MSTO1: variants seen among roughly 807,000 people sequenced by gnomAD.
The protein encoded by MSTO1 is protein misato homolog 1.
In MSTO1, 24 loss-of-function variants were observed where a neutral mutation model predicts 55.7. That is an observed-to-expected ratio of 0.43 (90% CI 0.31 to 0.61). The LOEUF is 0.61. MSTO1 is among the 20% of genes least tolerant of loss of function. The pLI, the probability that MSTO1 is intolerant of heterozygous loss-of-function variation, is 0.09. For missense variants in MSTO1, 363 were observed against 625.7 expected, an observed-to-expected ratio of 0.58 and a Z score of 4.48; for synonymous variants, 162 against 252.8, an observed-to-expected ratio of 0.64 and a Z score of 3.41.
chr1:155,578,336 C>CTTTCTTTTTTTTTTTTTTT, the MSTO1 span, among the ~76,000 whole-genome samples: 1 of 44,280 alleles, frequency 2.3e-5, no homozygotes, highest in East Asian at 1.2e-3. Context: ...AACTACCTTT[C>CTTTCTTTTTTTTTTTTTTT]TTTTTTTTTT....
chr1:155,577,234 G>A, the MSTO1 span, among the ~76,000 whole-genome samples: 2 of 150,918 alleles, frequency 1.3e-5, no homozygotes, highest in African/African-American at 2.4e-5. Flanking sequence ...GACTACAGGC[G>A]CCTGCCACCA....
chr1:155,610,143 C>A, upstream of MSTO1: 1 of 1,061,050 alleles, frequency 9.4e-7, no homozygotes, highest in Non-Finnish European at 1.4e-6. Flanking sequence ...GTTTGCGGGC[C>A]AATAAGTAGC....
At chr1:155,590,647 G>A in the MSTO1 span, 1 of 1,412,044 alleles carries the variant, frequency 7.1e-7, no homozygotes, top group Non-Finnish European at 9.6e-7. Context: ...CCGAGAGATG[G>A]CAGGGGCAGA....
At chr1:155,575,583 C>G in the MSTO1 span, among the ~76,000 whole-genome samples, 1 of 151,984 alleles carries the variant, frequency 6.6e-6, no homozygotes, top group Non-Finnish European at 1.5e-5. Context: ...GCTGGGTCCA[C>G]AGTGGCACGC....
At chr1:155,563,260 G>A in the MSTO1 span, 4 of 456,476 alleles carry the variant, frequency 8.8e-6, no homozygotes, top group Non-Finnish European at 1.8e-5. Context: ...TAGCAGGACC[G>A]CTGCTGTGGA....
chr1:155,590,881 G>T, the MSTO1 span: 3 of 1,611,880 alleles, frequency 1.9e-6, no homozygotes, highest in Non-Finnish European at 2.5e-6. Flanking sequence ...CAGGACCCCT[G>T]AGGTGACAAA....
chr1:155,573,732 G>A, the MSTO1 span, among the ~76,000 whole-genome samples: 2 of 151,486 alleles, frequency 1.3e-5, no homozygotes, highest in Non-Finnish European at 2.9e-5. Context: ...CAGCTACTAG[G>A]GATGCTGAGG....
chr1:155,583,546 A>C, the MSTO1 span, among the ~76,000 whole-genome samples: 556 of 152,156 alleles, frequency 3.7e-3, 1 homozygote, highest in African/African-American at 0.011. Flanking sequence ...ACAAAATAAT[A>C]AAGTAGTGAG....
Position 155,613,117 on chromosome 1 carries a change from G to A in MSTO1, c.1167G>A (p.Met389Ile), listed in dbSNP as rs940758633. ...GCCAGTCCCTTCCTGATTCCCTGAT[G>A]CAGTTTGGAGGAGCCACCCCATGGA... ...APGQSLPDSL[M>I]QFGGATPWTP... The change falls in exon 11 of 14, where the codon ATG (methionine) becomes ATA (isoleucine). Residue 389 changes from methionine to isoleucine, a missense_variant. Met to Ile is a conservative substitution (Grantham distance 10). Coordinates refer to ENST00000245564, the MANE Select transcript of MSTO1 (RefSeq NM_018116.4). 3 of 1,613,712 alleles carry A rather than the reference G, an allele frequency of 1.9e-6. No individual in the cohort carries two copies. Among genetic ancestry groups the A allele is most frequent in the Non-Finnish European group, 2.5e-6 (3 of 1,179,930 alleles).
At chr1:155,613,827 T>A in intron 13 of MSTO1, 61 bp downstream of exon 13, 1 of 1,612,308 alleles carries the variant, frequency 6.2e-7, no homozygotes, top group Non-Finnish European at 8.5e-7. Flanking sequence ...CTATCTCCAT[T>A]CCTGGATTAA....
At chr1:155,567,967 G>C in the MSTO1 span, among the ~76,000 whole-genome samples, 1 of 151,948 alleles carries the variant, frequency 6.6e-6, no homozygotes, top group African/African-American at 2.4e-5. Flanking sequence ...GAACCCAGCA[G>C]GTAGAGGTTG....
the MSTO1 span, among the ~76,000 whole-genome samples, chr1:155,569,800 A>G: frequency 6.6e-6 from 1 of 151,998 alleles, no homozygotes; most frequent in Non-Finnish European, 1.5e-5. Context: ...GGGAACAGAA[A>G]TGTTGTGGAT....
At chr1:155,610,002 T>C (rs1393380968), upstream of MSTO1, 4 of 515,924 alleles carry the variant, frequency 7.8e-6, no homozygotes, top group East Asian at 1.0e-4. Flanking sequence ...CGCTCCAACG[T>C]GGAGCAGGAG....
chr1:155,577,310 G>A, the MSTO1 span, among the ~76,000 whole-genome samples: 2 of 151,516 alleles, frequency 1.3e-5, no homozygotes, highest in African/African-American at 2.4e-5. Flanking sequence ...GGATGGTCTC[G>A]ATCTCCTGAC....
At chr1:155,571,054 A>G in the MSTO1 span, among the ~76,000 whole-genome samples, 1 of 152,168 alleles carries the variant, frequency 6.6e-6, no homozygotes, top group Non-Finnish European at 1.5e-5. Context: ...GGCCGGACAC[A>G]ATGCTCACAT....
In MSTO1 at chr1:155,613,047, A is replaced by G. The variant is rs1425499023; in HGVS notation, c.1099-2A>G. 1 of 1,613,572 alleles carries G rather than the reference A, an allele frequency of 6.2e-7. No individual in the cohort carries two copies. The highest frequency in any genetic ancestry group is 8.5e-7 in the Non-Finnish European group (1 of 1,180,020). On this transcript the variant is annotated splice_acceptor_variant, in intron 10 of 13. Coordinates refer to ENST00000245564, the MANE Select transcript of MSTO1 (RefSeq NM_018116.4). LOFTEE classifies it high-confidence loss of function. ...ATAACGTGTTCTCTTCCATCTCTTT[A>G]GGTGGTGACAGCAGGAGCAATCATC...
chr1:155,612,013 A>G lies in MSTO1; in HGVS notation c.591A>G (p.Gln197=). 6.4e-7 allele frequency: 1 copy of G among 1,552,790 alleles called. No homozygotes were observed. Among genetic ancestry groups the G allele is most frequent in the Non-Finnish European group, 8.7e-7 (1 of 1,145,502 alleles). ...GEAGRLEAFG[Q]GESVLKEPKY... Reference sequence around the variant, plus strand: ...CAGGTCGGCTGGAGGCTTTTGGCCAAGGGGAAAGTGTCCTAAAGGAACCCA... The same window carrying G: ...CAGGTCGGCTGGAGGCTTTTGGCCAGGGGGAAAGTGTCCTAAAGGAACCCA... The change falls in exon 7 of 14, where the codon CAA becomes CAG. Residue 197 remains glutamine (Q), a synonymous_variant. Transcript: ENST00000245564.
At chr1:155,570,855 C>A in the MSTO1 span, among the ~76,000 whole-genome samples, 1 of 152,090 alleles carries the variant, frequency 6.6e-6, no homozygotes, top group South Asian at 2.1e-4. Flanking sequence ...AGTGGGATCT[C>A]CCGAGGATAA....
chr1:155,590,944 C>T, the MSTO1 span: 2 of 1,613,742 alleles, frequency 1.2e-6, no homozygotes, highest in African/African-American at 1.3e-5. Flanking sequence ...CTCCTCCACA[C>T]AGGTGGTACA....
Sources: gnomAD v4.1 joint callset for allele counts (sites outside exome capture counted in the v4.1 genomes callset) on GRCh38, gnomAD v4.1.1 for gene constraint, MANE v1.5 for transcripts, NCBI Gene and HGNC (gene_info 2026-07-23, HGNC 2026-07-21) for gene names.